SV2C: variants seen among roughly 807,000 people sequenced by gnomAD.
SV2C encodes synaptic vesicle glycoprotein 2C.
SV2C carries 49 observed loss-of-function variants against 79.7 expected under a neutral mutation model. That is an observed-to-expected ratio of 0.61 (90% CI 0.49 to 0.78). The LOEUF is 0.78. SV2C is among the 30% of genes least tolerant of loss of function. SV2C has a pLI of 0.00. For missense variants in SV2C, 833 were observed against 912.9 expected (o/e 0.91, Z 1.13); for synonymous variants, 334 against 333.2 (o/e 1.00, Z -0.03).
rs1749103360 is a variant in SV2C at position 76,329,272 on chromosome 5, AG to A, written c.*3726del. The A allele has an allele frequency of 1.3e-5, 2 of 152,192 alleles. No individual in the cohort carries two copies. The highest frequency in any genetic ancestry group is 2.9e-5 in the Non-Finnish European group (2 of 68,038). 9.4% of individuals were successfully genotyped at this position (152,192 alleles called of 1,614,324 possible). A position where few individuals can be genotyped will look rare whatever the true frequency, so the allele number is the denominator to read the frequency against. On this transcript the variant is annotated 3_prime_UTR_variant, in exon 13 of 13. Coordinates refer to ENST00000502798, the MANE Select transcript of SV2C (RefSeq NM_014979.4). ...GCAGGTTTGACAGTTACCATCACCC[AG>A]CCAGAAAAGGGCCCCGCCTTGCCAG...
chr5:75,851,511 C>T, the SV2C span, among the ~76,000 whole-genome samples: 1 of 152,176 alleles, frequency 6.6e-6, no homozygotes, highest in African/African-American at 2.4e-5. Context: ...AGACAACATA[C>T]AATTCATATG....
the SV2C span, among the ~76,000 whole-genome samples, chr5:75,900,438 T>G: frequency 1.3e-5 from 2 of 152,234 alleles, no homozygotes; most frequent in Non-Finnish European, 2.9e-5. Context: ...GATCCGCTGT[T>G]AGTCTGATGG....
At chr5:76,102,992 T>C (rs1337403114) in intron 1 of SV2C, among the ~76,000 whole-genome samples, 1 of 152,208 alleles carries the variant, frequency 6.6e-6, no homozygotes, top group African/African-American at 2.4e-5. Context: ...TATTGGACGT[T>C]GACAAAGTGC....
At chr5:75,935,786 G>T in the SV2C span, among the ~76,000 whole-genome samples, 2 of 152,164 alleles carry the variant, frequency 1.3e-5, no homozygotes, top group Non-Finnish European at 2.9e-5. Context: ...CTGGAGAGGG[G>T]ATAGGATTGA....
the SV2C span, among the ~76,000 whole-genome samples, chr5:75,994,325 A>T: frequency 6.6e-6 from 1 of 152,082 alleles, no homozygotes. Flanking sequence ...AGGCAGAGAA[A>T]GCCTTATTTA....
chr5:75,949,256 C>A, the SV2C span, among the ~76,000 whole-genome samples: 5 of 152,018 alleles, frequency 3.3e-5, no homozygotes, highest in African/African-American at 1.2e-4. Flanking sequence ...GCCAATTAAA[C>A]CTCTTTTCTT....
rs145123242 is a variant in SV2C at position 76,214,441 on chromosome 5, T to C, written c.913+4554T>C. Among the ~76,000 whole-genome samples, 252 of 152,342 alleles carry C rather than the reference T, an allele frequency of 1.7e-3. 1 individual carries two copies. Among genetic ancestry groups the C allele is most frequent in the African/African-American group, 5.8e-3 (243 of 41,588 alleles). ...TGCTATTTCAATTACTATAGCTTTG[T>C]AATATAATTTGAAATCAGGAAGTCT... On this transcript the variant is annotated intron_variant, in intron 4 of 12. Coordinates refer to ENST00000502798, the MANE Select transcript of SV2C (RefSeq NM_014979.4).
intron 2 of SV2C, among the ~76,000 whole-genome samples, chr5:76,150,586 C>T (rs1243043608): frequency 2.7e-5 from 4 of 150,132 alleles, no homozygotes; most frequent in Non-Finnish European, 5.9e-5. Flanking sequence ...GAAAGCACAC[C>T]AGCAGTGGCC....
At chr5:76,040,137 C>T in the SV2C span, among the ~76,000 whole-genome samples, 4 of 152,162 alleles carry the variant, frequency 2.6e-5, no homozygotes, top group East Asian at 7.7e-4. Context: ...CAGTAAAACA[C>T]ATATATGATA....
At chr5:76,171,503 G>C in intron 2 of SV2C, among the ~76,000 whole-genome samples, 1 of 125,874 alleles carries the variant, frequency 7.9e-6, no homozygotes, top group Admixed American at 7.6e-5. Context: ...CCTCTGCCTG[G>C]CAACCACCCC....
At chr5:75,902,312 C>T in the SV2C span, among the ~76,000 whole-genome samples, 1 of 152,190 alleles carries the variant, frequency 6.6e-6, no homozygotes, top group Non-Finnish European at 1.5e-5. Flanking sequence ...GGTAGACACT[C>T]ACACTAACAC....
At chr5:76,145,053 G>T (rs1164028391) in intron 2 of SV2C, among the ~76,000 whole-genome samples, 5 of 152,188 alleles carry the variant, frequency 3.3e-5, no homozygotes, top group African/African-American at 1.2e-4. Context: ...GATTTTGTGG[G>T]GAAGATTACC....
chr5:75,938,329 T>C, the SV2C span, among the ~76,000 whole-genome samples: 1 of 152,168 alleles, frequency 6.6e-6, no homozygotes, highest in African/African-American at 2.4e-5. Flanking sequence ...ATACATGTGT[T>C]CACCAAAAGA....
intron 1 of SV2C, among the ~76,000 whole-genome samples, chr5:76,128,826 T>C (rs1172348639): frequency 1.3e-5 from 2 of 152,214 alleles, no homozygotes; most frequent in African/African-American, 4.8e-5. Flanking sequence ...ATATTGATGA[T>C]GCTATAAACA....
chr5:76,275,751 C>T (rs1290252534), intron 4 of SV2C, among the ~76,000 whole-genome samples: 1 of 152,192 alleles, frequency 6.6e-6, no homozygotes, highest in Non-Finnish European at 1.5e-5. Context: ...ACATATAATA[C>T]TTTTATTAGC....
rs191210384 is a variant in SV2C, at chr5:76,101,283, C to T, written c.-102+17771C>T. ...CAATTTCAGCAGAAGTTACCTTTAT[C>T]GGAACCACACATTTAGAAAGATTAA... On this transcript the variant is annotated intron_variant, in intron 1 of 12. Transcript: ENST00000502798. Among the ~76,000 whole-genome samples the T allele has an allele frequency of 2.0e-5, 3 of 152,256 alleles. No individual in the cohort carries two copies. The East Asian group carries it at 5.8e-4, about 29-fold the overall frequency.
chr5:76,237,449 G>C (rs574558900), intron 4 of SV2C, among the ~76,000 whole-genome samples: 2 of 151,970 alleles, frequency 1.3e-5, no homozygotes, highest in Non-Finnish European at 2.9e-5. Flanking sequence ...GAGAGTTCTT[G>C]GTCCTTCCGT....
At chr5:76,141,836 A>AG (rs1209903396) in intron 2 of SV2C, among the ~76,000 whole-genome samples, 1 of 150,532 alleles carries the variant, frequency 6.6e-6, no homozygotes, top group Non-Finnish European at 1.5e-5. Flanking sequence ...AAAAAAAAAA[A>AG]AAAAAAAAAG....
the SV2C span, among the ~76,000 whole-genome samples, chr5:75,985,385 G>C: frequency 6.6e-6 from 1 of 151,906 alleles, no homozygotes; most frequent in Non-Finnish European, 1.5e-5. Flanking sequence ...TTTTAGCACA[G>C]AGAAACCGTA....
Sources: allele counts gnomAD v4.1 joint callset (sites outside exome capture counted in the v4.1 genomes callset), GRCh38; gene constraint gnomAD v4.1.1; transcripts MANE v1.5; gene names NCBI Gene and HGNC (gene_info 2026-07-23, HGNC 2026-07-21).